The following GRIA4 variants were observed in gnomAD, a reference collection of about 807,000 sequenced individuals.
GRIA4 encodes glutamate ionotropic receptor AMPA type subunit 4.
Under a neutral mutation model 104.0 loss-of-function variants are expected in GRIA4, and 34 were observed. The observed-to-expected ratio is 0.33, with a 90% CI of 0.25 to 0.44. The LOEUF is 0.44. GRIA4 is among the 20% of genes least tolerant of loss of function. The probability of loss-of-function intolerance (pLI) is 1.00; values close to 1 mark genes in which losing one functional copy is unlikely to be tolerated. For missense variants in GRIA4, 750 were observed against 1,096.5 expected (o/e 0.68, Z 4.46); for synonymous variants, 386 against 381.9 (o/e 1.01, Z -0.13).
intron 4 of GRIA4, among the ~76,000 whole-genome samples, chr11:105,813,990 C>A (rs945478100): frequency 6.6e-6 from 1 of 152,008 alleles, no homozygotes; most frequent in Non-Finnish European, 1.5e-5. Flanking sequence ...ATCAGTCCTG[C>A]AAAGAACAAC....
At chr11:105,668,241 A>ACTATATTG (rs1400851392) in intron 3 of GRIA4, among the ~76,000 whole-genome samples, 1 of 141,478 alleles carries the variant, frequency 7.1e-6, no homozygotes. Flanking sequence ...ATATATATAT[A>ACTATATTG]TATATACTAT....
At chr11:105,658,070 T>C (rs990279374) in intron 3 of GRIA4, among the ~76,000 whole-genome samples, 1 of 151,872 alleles carries the variant, frequency 6.6e-6, no homozygotes, top group African/African-American at 2.4e-5. Context: ...AGCATATTTC[T>C]TAAGTATAGT....
intron 3 of GRIA4, among the ~76,000 whole-genome samples, chr11:105,662,684 T>A (rs1473065583): frequency 6.6e-6 from 1 of 152,052 alleles, no homozygotes; most frequent in Middle Eastern, 3.4e-3. Context: ...TGGAAAATAA[T>A]ATGTAACAAA....
chr11:105,796,093 A>G (rs1298352483), intron 4 of GRIA4, among the ~76,000 whole-genome samples: 12 of 152,142 alleles, frequency 7.9e-5, no homozygotes, highest in Admixed American at 1.3e-4. Flanking sequence ...ATATATTTAT[A>G]TCAGGTGCTT....
chr11:105,791,109 T>G (rs1942194832), intron 4 of GRIA4, among the ~76,000 whole-genome samples: 1 of 152,128 alleles, frequency 6.6e-6, no homozygotes, highest in African/African-American at 2.4e-5. Context: ...TTGCTGATCA[T>G]GTCTGAGGGT....
At chr11:105,975,220 T>G (rs1858915293) in intron 16 of GRIA4, among the ~76,000 whole-genome samples, 1 of 152,198 alleles carries the variant, frequency 6.6e-6, no homozygotes. Flanking sequence ...TCAACTTTTA[T>G]GCTCAAAGTA....
intron 6 of GRIA4, among the ~76,000 whole-genome samples, chr11:105,888,057 T>TA (rs1404372569): frequency 6.6e-6 from 1 of 152,124 alleles, no homozygotes; most frequent in Non-Finnish European, 1.5e-5. Context: ...ACAAACAAGA[T>TA]ACACATATTT....
At position 105,696,318 on chromosome 11, in the gene GRIA4, T is replaced by C. The variant is rs534076355; in HGVS notation, c.248-56663T>C. Among the ~76,000 whole-genome samples the C allele has an allele frequency of 1.4e-4, 22 of 152,302 alleles. No homozygotes were observed. The South Asian group carries it at 4.4e-3, about 30-fold the overall frequency. ...TGTCATCATTGCCCATCTCTACTACTGGGTTTTGAGGACAAGGGCGATGTC... is the reference window on the plus strand; with the variant it reads ...TGTCATCATTGCCCATCTCTACTACCGGGTTTTGAGGACAAGGGCGATGTC... On this transcript the variant is annotated intron_variant, in intron 3 of 16. Transcript: ENST00000282499.
At chr11:105,905,127 C>T (rs1946996084) in intron 8 of GRIA4, 70 bp from the exon 9 acceptor site, 1 of 828,718 alleles carries the variant, frequency 1.2e-6, no homozygotes, top group Admixed American at 1.8e-5. Context: ...GTTATAAGCC[C>T]AGCAGATGAA....
intron 4 of GRIA4, among the ~76,000 whole-genome samples, chr11:105,815,095 T>C (rs936978634): frequency 3.3e-5 from 5 of 152,180 alleles, no homozygotes; most frequent in African/African-American, 4.8e-5. Flanking sequence ...CTAGCCCTTT[T>C]TGCTTATTGA....
chr11:105,731,521 A>T (rs1309497055), intron 3 of GRIA4, among the ~76,000 whole-genome samples: 2 of 152,220 alleles, frequency 1.3e-5, no homozygotes, highest in African/African-American at 4.8e-5. Flanking sequence ...CAATCTCATT[A>T]CTGGGTATAT....
rs1199014892 is a variant in GRIA4, at chr11:105,783,274, T to G, written c.487+30054T>G. On this transcript the variant is annotated intron_variant, in intron 4 of 16. Transcript: ENST00000282499. ...GCAGTAAACTAAAGACATTTTGAAC[T>G]AATCTAATAGGAACAATTTAATGGA... 2.0e-5 allele frequency among the ~76,000 whole-genome samples: 3 copies of G among 152,184 alleles called. No homozygotes were observed. The East Asian group carries it at 5.8e-4, about 29-fold the overall frequency.
chr11:105,729,724 A>G (rs772682490), intron 3 of GRIA4, among the ~76,000 whole-genome samples: 1 of 152,188 alleles, frequency 6.6e-6, no homozygotes, highest in Non-Finnish European at 1.5e-5. Context: ...CAATTAACGT[A>G]AGCCATCACA....
chr11:105,783,203 T>A (rs1941806022), intron 4 of GRIA4, among the ~76,000 whole-genome samples: 1 of 152,174 alleles, frequency 6.6e-6, no homozygotes, highest in East Asian at 1.9e-4. Flanking sequence ...CCCAAACATA[T>A]AACTGTCAAG....
intron 11 of GRIA4, among the ~76,000 whole-genome samples, chr11:105,921,306 G>GGTGTGTGTGTGT (rs5794436): frequency 2.2e-4 from 31 of 138,846 alleles, no homozygotes; most frequent in African/African-American, 7.2e-4. Flanking sequence ...ACCACACTTG[G>GGTGTGTGTGTGT]GTGTGTGTGT....
At chr11:105,759,089 T>A (rs976445478) in intron 4 of GRIA4, among the ~76,000 whole-genome samples, 7 of 152,136 alleles carry the variant, frequency 4.6e-5, no homozygotes, top group Non-Finnish European at 7.4e-5. Context: ...TCAAATCTAC[T>A]GGGTCACTTT....
At chr11:105,959,656 G>A (rs977081643) in intron 14 of GRIA4, among the ~76,000 whole-genome samples, 2 of 152,142 alleles carry the variant, frequency 1.3e-5, no homozygotes, top group African/African-American at 2.4e-5. Context: ...GAGAGACGTT[G>A]TGATCATCTG....
intron 3 of GRIA4, among the ~76,000 whole-genome samples, chr11:105,742,396 T>C (rs951272711): frequency 4.6e-5 from 7 of 152,230 alleles, no homozygotes; most frequent in Non-Finnish European, 1.0e-4. Flanking sequence ...GCCAACCTTA[T>C]ATCTGTCCTT....
chr11:105,613,302 TAGC>T (rs1950524664), intron 3 of GRIA4: 1 of 152,188 alleles, frequency 6.6e-6, no homozygotes, highest in Admixed American at 6.5e-5. Context: ...GATCAGTCAA[TAGC>T]AGTTGTATTG....
Sources: allele counts gnomAD v4.1 joint callset (sites outside exome capture counted in the v4.1 genomes callset), GRCh38; gene constraint gnomAD v4.1.1; transcripts MANE v1.5; gene names NCBI Gene and HGNC (gene_info 2026-07-23, HGNC 2026-07-21).